Variants in TRAM2 observed in about 807,000 individuals in gnomAD.
TRAM2 encodes translocation associated membrane protein 2.
In TRAM2, 12 loss-of-function variants were observed where a neutral mutation model predicts 51.0. That is an observed-to-expected ratio of 0.24 (90% CI 0.15 to 0.38). The LOEUF (loss-of-function observed/expected upper bound fraction) is 0.38, where lower values mean the gene tolerates loss of function less well. TRAM2 is among the 10% of genes least tolerant of loss of function. TRAM2 has a pLI of 1.00. For synonymous variants in TRAM2, 175 were observed against 179.4 expected (o/e 0.98, Z 0.20); for missense variants, 361 against 462.0 (o/e 0.78, Z 2.00).
At chr6:52,576,642 G>A (rs369947559) in intron 1 of TRAM2, among the ~76,000 whole-genome samples, 154 bp downstream of exon 1, 10 of 152,174 alleles carry the variant, frequency 6.6e-5, no homozygotes, top group African/African-American at 2.4e-4. Flanking sequence ...GGTACAGGCC[G>A]GAGGGGTACA....
chr6:52,509,679 TC>T, intron 4 of TRAM2, 93 bp from the exon 5 acceptor site: 2 of 1,051,010 alleles, frequency 1.9e-6, no homozygotes, highest in South Asian at 1.4e-5. Flanking sequence ...ATGCATCCAG[TC>T]CCCACCTGAC....
intron 1 of TRAM2, among the ~76,000 whole-genome samples, chr6:52,553,901 T>C (rs1022958986): frequency 4.6e-5 from 7 of 152,202 alleles, no homozygotes; most frequent in African/African-American, 1.7e-4. Flanking sequence ...CATTGCTTTG[T>C]CATTTATCAT....
rs73429548 is a variant in TRAM2 at position 52,573,956 on chromosome 6, G to A, written c.120+2840C>T. On this transcript the variant is annotated intron_variant, in intron 1 of 10. Coordinates refer to ENST00000182527, the MANE Select transcript of TRAM2 (RefSeq NM_012288.4). Reference sequence around the variant, plus strand: ...GCTCTTTGTGGGAAGAATTATAATTGAGTTTTCCTGGCTCAGCTTCCGAAT... The same window carrying A: ...GCTCTTTGTGGGAAGAATTATAATTAAGTTTTCCTGGCTCAGCTTCCGAAT... 6.4e-3 allele frequency among the ~76,000 whole-genome samples: 970 copies of A among 152,280 alleles called. 13 individuals are homozygous for A. Among genetic ancestry groups the A allele is most frequent in the African/African-American group, 0.021 (891 of 41,536 alleles).
intron 7 of TRAM2, 62 bp downstream of exon 7, chr6:52,507,491 G>A (rs1305988729): frequency 2.6e-6 from 4 of 1,532,186 alleles, no homozygotes; most frequent in African/African-American, 2.7e-5. Context: ...ATATGAGTGT[G>A]TGGACAGATG....
At chr6:52,574,102 A>G (rs1398596281) in intron 1 of TRAM2, among the ~76,000 whole-genome samples, 1 of 152,122 alleles carries the variant, frequency 6.6e-6, no homozygotes. Flanking sequence ...GTGAGTCCCC[A>G]GTTGCACCTA....
At chr6:52,506,253 A>G in intron 7 of TRAM2, 117 bp from the exon 8 acceptor site, 1 of 873,304 alleles carries the variant, frequency 1.1e-6, no homozygotes, top group South Asian at 1.5e-5. Flanking sequence ...TTCCACTCCC[A>G]CTTTCCCTGG....
rs1419259117 is a variant in TRAM2 at position 52,505,755 on chromosome 6, G to A, written c.732-13C>T. ...CCAGGCACTGAACCTGCTCACAGAG[G>A]CAGAAGAGGGATGTCAGTCTTTAGC... On this transcript the variant is annotated splice_polypyrimidine_tract_variant and intron_variant, in intron 8 of 10. Transcript: ENST00000182527. 2.5e-6 allele frequency: 4 copies of A among 1,594,678 alleles called. No homozygotes were observed. The South Asian group carries it at 4.5e-5, about 18-fold the overall frequency.
chr6:52,532,659 A>C (rs1214511267), intron 2 of TRAM2, among the ~76,000 whole-genome samples: 1 of 152,252 alleles, frequency 6.6e-6, no homozygotes, highest in African/African-American at 2.4e-5. Flanking sequence ...TACTATTTAC[A>C]ATAAAAACAG....
At chr6:52,568,832 T>C (rs1390055746) in intron 1 of TRAM2, among the ~76,000 whole-genome samples, 1 of 152,108 alleles carries the variant, frequency 6.6e-6, no homozygotes, top group East Asian at 1.9e-4. Flanking sequence ...AACAAACTGA[T>C]TAAACTAACA....
At chr6:52,515,985 G>A (rs753267337) in intron 4 of TRAM2, 21 bp downstream of exon 4, 1 of 1,608,576 alleles carries the variant, frequency 6.2e-7, no homozygotes, top group Non-Finnish European at 8.5e-7. Context: ...TCCCGCTTCA[G>A]CAGTCCTGAG....
chr6:52,517,951 G>C (rs1766581995), intron 2 of TRAM2, among the ~76,000 whole-genome samples: 1 of 152,184 alleles, frequency 6.6e-6, no homozygotes, highest in Non-Finnish European at 1.5e-5. Context: ...TTGGAAATCA[G>C]ACAAACTTTC....
intron 1 of TRAM2, among the ~76,000 whole-genome samples, chr6:52,554,395 C>T (rs1767364504): frequency 6.6e-6 from 1 of 151,814 alleles, no homozygotes; most frequent in Non-Finnish European, 1.5e-5. Flanking sequence ...TGGTGCGTGT[C>T]TGTAATCCCA....
chr6:52,549,635 G>A (rs1488684846), intron 1 of TRAM2, among the ~76,000 whole-genome samples: 1 of 152,204 alleles, frequency 6.6e-6, no homozygotes, highest in Non-Finnish European at 1.5e-5. Context: ...ATTAGACACG[G>A]TGATTAGAAT....
In TRAM2 at chr6:52,507,111, T is replaced by C. The variant is rs188936032; in HGVS notation, c.626+442A>G. 6.6e-5 allele frequency among the ~76,000 whole-genome samples: 10 copies of C among 152,330 alleles called. No individual in the cohort carries two copies. In the East Asian group the frequency reaches 1.3e-3, roughly 21 times the overall value. On this transcript the variant is annotated intron_variant, in intron 7 of 10. Coordinates refer to ENST00000182527, the MANE Select transcript of TRAM2 (RefSeq NM_012288.4). ...ACAACCAAGAGAGACCTACTCTCCATGTCATTATAAACCAAAGGGAAGGGA... is the reference window on the plus strand; with the variant it reads ...ACAACCAAGAGAGACCTACTCTCCACGTCATTATAAACCAAAGGGAAGGGA...
chr6:52,558,096 T>C (rs1465640320), intron 1 of TRAM2, among the ~76,000 whole-genome samples: 4 of 152,314 alleles, frequency 2.6e-5, no homozygotes, highest in African/African-American at 9.6e-5. Context: ...TCTCCTGCCC[T>C]ACCCCCACCT....
chr6:52,534,399 C>A (rs1766943949), intron 2 of TRAM2, among the ~76,000 whole-genome samples: 1 of 152,112 alleles, frequency 6.6e-6, no homozygotes, highest in Admixed American at 6.5e-5. Context: ...AAACAAACAA[C>A]AACAACAAAA....
intron 10 of TRAM2, 85 bp downstream of exon 10, chr6:52,504,490 TGGTCTGGGCAGCGCCC>T: frequency 5.2e-6 from 8 of 1,543,744 alleles, no homozygotes; most frequent in Admixed American, 3.7e-5. Flanking sequence ...CTGGCAGGAT[TGGTCTGGGCAGCGCCC>T]AAGAAGCCAG....
At chr6:52,564,959 T>C (rs1266994050) in intron 1 of TRAM2, among the ~76,000 whole-genome samples, 1 of 151,468 alleles carries the variant, frequency 6.6e-6, no homozygotes, top group East Asian at 1.9e-4. Context: ...GAGTGCAGGG[T>C]GCATGAAAAA....
Position 52,563,694 on chromosome 6 carries a change from C to CAA in TRAM2, c.120+13100_120+13101dup, listed in dbSNP as rs556665738. Among the ~76,000 whole-genome samples, 319 of 77,066 alleles carry CAA rather than the reference C, an allele frequency of 4.1e-3. 3 individuals carry two copies. The highest frequency in any genetic ancestry group is 0.025 in the East Asian group (55 of 2,190). The allele number at this position is 77,066 out of a possible 152,430, so 50.6% of individuals were successfully genotyped here. On this transcript the variant is annotated intron_variant, in intron 1 of 10. Coordinates refer to ENST00000182527, the MANE Select transcript of TRAM2 (RefSeq NM_012288.4). ...TGGGGGACAGAGCGAGACTCAGCCT[C>CAA]AAAAAAAAAAAAAAAAAAAAAAAGT... is the stretch of plus-strand genomic sequence containing the variant.
Sources: allele counts gnomAD v4.1 joint callset (sites outside exome capture counted in the v4.1 genomes callset), GRCh38; gene constraint gnomAD v4.1.1; transcripts MANE v1.5; gene names NCBI Gene and HGNC (gene_info 2026-07-23, HGNC 2026-07-21).